REV3L: variants seen among roughly 807,000 people sequenced by gnomAD.
The protein encoded by REV3L is REV3 like, DNA directed polymerase zeta catalytic subunit.
A neutral mutation model predicts 299.4 loss-of-function variants in REV3L; 69 were observed. That is an observed-to-expected ratio of 0.23 (90% CI 0.19 to 0.28). The LOEUF (loss-of-function observed/expected upper bound fraction) is 0.28. Among genes scored for constraint, REV3L ranks in the 10% least tolerant of loss-of-function variants. The pLI is 1.00. For synonymous variants in REV3L, 1,238 were observed against 1,271.4 expected (o/e 0.97, Z 0.56); for missense variants, 3,128 against 3,693.8 (o/e 0.85, Z 3.97).
intron 7 of REV3L, 147 bp downstream of exon 7, chr6:111,388,959 T>C: frequency 1.7e-6 from 1 of 603,150 alleles, no homozygotes; most frequent in Non-Finnish European, 2.9e-6. Flanking sequence ...ATAGTGGCTG[T>C]ACAGCAATGA....
Position 111,374,843 on chromosome 6 carries a change from C to T in REV3L, c.3512G>A (p.Arg1171Lys). ...TGCTTTTGATTTCTTAATCTGTGCT[C>T]TTGCGCGACTAGTTTTTCCTATACG... ...NSRIGKTSRA[R>K]AQIKKSKAKL... Residue 1171 changes from arginine (R) to lysine (K), a missense_variant, in exon 13 of 32, where the codon AGA becomes AAA. Physicochemically the swap from Arg to Lys is conservative, Grantham distance 26. Coordinates refer to ENST00000368802, the MANE Select transcript of REV3L (RefSeq NM_001372078.1). 6.2e-7 allele frequency: 1 copy of T among 1,613,792 alleles called. No individual in the cohort carries two copies. Among genetic ancestry groups the T allele is most frequent in the African/African-American group, 1.3e-5 (1 of 75,006 alleles).
intron 31 of REV3L, among the ~76,000 whole-genome samples, chr6:111,306,687 C>G (rs780938692): frequency 1.3e-5 from 2 of 152,172 alleles, no homozygotes; most frequent in Non-Finnish European, 2.9e-5. Flanking sequence ...CTGTGGCACA[C>G]AGTATGACTC....
At chr6:111,392,077 T>C (rs1383484649) in intron 5 of REV3L, among the ~76,000 whole-genome samples, 2 of 152,224 alleles carry the variant, frequency 1.3e-5, no homozygotes, top group South Asian at 4.1e-4. Context: ...TGATCCACAG[T>C]TTTCTCATAT....
chr6:111,318,790 G>A (rs1323695012), intron 26 of REV3L, among the ~76,000 whole-genome samples: 2 of 151,814 alleles, frequency 1.3e-5, no homozygotes, highest in South Asian at 2.1e-4. Flanking sequence ...GGCTGGTCTC[G>A]AACTCCCGAC....
At chr6:111,443,502 C>G (rs755169501) in intron 1 of REV3L, among the ~76,000 whole-genome samples, 5 of 152,168 alleles carry the variant, frequency 3.3e-5, no homozygotes, top group Non-Finnish European at 7.3e-5. Context: ...CAGCAGGCAA[C>G]TAATTTACTT....
chr6:111,316,576 G>C (rs537611259), intron 26 of REV3L, among the ~76,000 whole-genome samples: 2 of 151,508 alleles, frequency 1.3e-5, no homozygotes, highest in South Asian at 4.2e-4. Flanking sequence ...TGAGGTGGGA[G>C]AATCGCTTGA....
chr6:111,331,915 A>G, intron 23 of REV3L, 131 bp from the exon 24 acceptor site: 1 of 620,174 alleles, frequency 1.6e-6, no homozygotes, highest in Non-Finnish European at 2.8e-6. Flanking sequence ...TCATGTACTT[A>G]GTAATATGTT....
intron 1 of REV3L, among the ~76,000 whole-genome samples, chr6:111,446,668 T>G (rs1583024262): frequency 6.6e-6 from 1 of 151,828 alleles, no homozygotes; most frequent in African/African-American, 2.4e-5. Flanking sequence ...GCCACTGCAC[T>G]CCAGCATGAG....
chr6:111,423,557 A>G (rs909467338), intron 1 of REV3L, among the ~76,000 whole-genome samples: 2 of 151,982 alleles, frequency 1.3e-5, no homozygotes, highest in Non-Finnish European at 2.9e-5. Flanking sequence ...TGTGTGAGAG[A>G]AAGTCTGTGT....
At chr6:111,315,619 GA>G (rs775905887) in intron 26 of REV3L, 1 of 472,800 alleles carries the variant, frequency 2.1e-6, no homozygotes, top group Non-Finnish European at 3.8e-6. Context: ...GATCAGCTCA[GA>G]TATCCCAGTA....
At chr6:111,429,828 A>T (rs1239510624) in intron 1 of REV3L, among the ~76,000 whole-genome samples, 4 of 152,144 alleles carry the variant, frequency 2.6e-5, no homozygotes, top group African/African-American at 9.7e-5. Context: ...ATGGACAAGA[A>T]GCACAAGCAC....
chr6:111,391,357 C>T (rs1408746198), intron 5 of REV3L, among the ~76,000 whole-genome samples: 3 of 152,082 alleles, frequency 2.0e-5, no homozygotes, highest in Non-Finnish European at 4.4e-5. Flanking sequence ...TGAGCCATTG[C>T]GCCCTGGCCT....
At chr6:111,363,613 T>G (rs1778918862) in intron 16 of REV3L, among the ~76,000 whole-genome samples, 1 of 152,174 alleles carries the variant, frequency 6.6e-6, no homozygotes. Flanking sequence ...GAATTTCAGT[T>G]ATGAGATTTG....
At position 111,358,917 on chromosome 6, in the gene REV3L, T is replaced by G. The variant is rs1778365862; in HGVS notation, c.6977A>C (p.Tyr2326Ser). ...PEFDPICALF[Y>S]CISSDTPLPD... ...CAGTGGAGTGTCAGATGAGATGCAG[T>G]AGAACAGAGCACAGATTGGGTCAAA... The change falls in exon 17 of 32, where the codon TAC (tyrosine) becomes TCC (serine). Residue 2326 changes from tyrosine (Y) to serine (S), a missense_variant. Coordinates refer to ENST00000368802, the MANE Select transcript of REV3L (RefSeq NM_001372078.1). The G allele has an allele frequency of 6.2e-7, 1 of 1,614,010 alleles. No individual in the cohort carries two copies. The highest frequency in any genetic ancestry group is 1.3e-5 in the African/African-American group (1 of 74,930).
chr6:111,344,961 GAAC>G (rs1443568007), intron 20 of REV3L, among the ~76,000 whole-genome samples: 1 of 152,134 alleles, frequency 6.6e-6, no homozygotes, highest in Non-Finnish European at 1.5e-5. Flanking sequence ...TCAATCTTCA[GAAC>G]AATGGCACTA....
At chr6:111,351,817 T>TA (rs1362583434) in intron 18 of REV3L, 26 bp from the exon 19 acceptor site, 3 of 1,438,724 alleles carry the variant, frequency 2.1e-6, no homozygotes, top group Non-Finnish European at 2.9e-6. Flanking sequence ...AAAAAAGTTA[T>TA]ATAAGTACCA....
chr6:111,309,774 A>G lies in REV3L; in HGVS notation c.9042+79T>C, dbSNP rs564604518. On this transcript the variant is annotated intron_variant, in intron 30 of 31. Transcript: ENST00000368802. ...CCCAGCACTCCCATATCAATAGCAC[A>G]TAAAACCTTTAGTTCTACTGAAAAT... is the stretch of plus-strand genomic sequence containing the variant. 59 of 1,512,538 alleles carry G rather than the reference A, an allele frequency of 3.9e-5. No individual in the cohort carries two copies. The African/African-American group carries it at 7.5e-4, about 19-fold the overall frequency. 93.7% of individuals were successfully genotyped at this position (1,512,538 alleles called of 1,614,324 possible).
intron 21 of REV3L, among the ~76,000 whole-genome samples, chr6:111,342,057 A>T (rs541864359): frequency 1.3e-5 from 2 of 152,344 alleles, no homozygotes; most frequent in African/African-American, 4.8e-5. Context: ...GACAATATGT[A>T]CAGACGACAG....
rs548348221 is a variant in REV3L at position 111,349,691 on chromosome 6, C to T, written c.7301-355G>A. On this transcript the variant is annotated intron_variant, in intron 19 of 31. Transcript: ENST00000368802. ...AAGCAATCCGCCTGCCTCAGCTGCT[C>T]GAATAGCTGGGACTACAGGTGCCTG... Among the ~76,000 whole-genome samples, 9 of 152,282 alleles carry T rather than the reference C, an allele frequency of 5.9e-5. No homozygotes were observed. In the East Asian group the frequency reaches 1.7e-3, roughly 29 times the overall value.
Sources: gnomAD v4.1 joint callset for allele counts (sites outside exome capture counted in the v4.1 genomes callset) on GRCh38, gnomAD v4.1.1 for gene constraint, MANE v1.5 for transcripts, NCBI Gene and HGNC (gene_info 2026-07-23, HGNC 2026-07-21) for gene names.